Variants in CDH4 observed in about 807,000 individuals in gnomAD.
The protein encoded by CDH4 is cadherin 4, also known as cadherin-4.
A neutral mutation model predicts 86.0 loss-of-function variants in CDH4; 33 were observed. That is an observed-to-expected ratio of 0.38 (90% CI 0.29 to 0.51). The LOEUF (loss-of-function observed/expected upper bound fraction) is 0.51. Among genes scored for constraint, CDH4 ranks in the 20% least tolerant of loss-of-function variants. The pLI, the probability that CDH4 is intolerant of heterozygous loss-of-function variation, is 0.86. For missense variants in CDH4, 1,114 were observed against 1,307.4 expected, an observed-to-expected ratio of 0.85 and a Z score of 2.28; for synonymous variants, 555 against 549.4, an observed-to-expected ratio of 1.01 and a Z score of -0.14.
At position 61,534,665 on chromosome 20, in the gene CDH4, C is replaced by CTTTTTTTTTTTTTTTTT. The variant is rs34309371; in HGVS notation, c.170-208892_170-208876dup. ...CTTTCTTTCTTTTCTTTCTTTCTTT[C>CTTTTTTTTTTTTTTTTT]TTTTTTTTTTTTTTTTTTTTTTGAG... On this transcript the variant is annotated intron_variant, in intron 2 of 15. Transcript: ENST00000614565. 7.5e-4 allele frequency among the ~76,000 whole-genome samples: 57 copies of CTTTTTTTTTTTTTTTTT among 76,024 alleles called. 1 individual carries two copies. Among genetic ancestry groups the CTTTTTTTTTTTTTTTTT allele is most frequent in the African/African-American group, 1.4e-3 (13 of 9,318 alleles). The allele number at this position is 76,024 out of a possible 152,430, so 49.9% of individuals were successfully genotyped here.
At chr20:61,908,296 G>T (rs1250625828) in intron 8 of CDH4, among the ~76,000 whole-genome samples, 1 of 152,178 alleles carries the variant, frequency 6.6e-6, no homozygotes, top group Non-Finnish European at 1.5e-5. Flanking sequence ...TTTCATTTTT[G>T]TGCATTTATA....
intron 2 of CDH4, among the ~76,000 whole-genome samples, chr20:61,565,271 C>CTGGTG: frequency 1.8e-5 from 1 of 56,546 alleles, no homozygotes; most frequent in South Asian, 6.8e-4. Context: ...TGGTGGTGGT[C>CTGGTG]CTCTTGGTGA....
chr20:61,451,340 C>T (rs987506848), intron 2 of CDH4, among the ~76,000 whole-genome samples: 4 of 152,184 alleles, frequency 2.6e-5, no homozygotes, highest in Non-Finnish European at 4.4e-5. Context: ...GTTCAGAGTG[C>T]TTGGCCTCAC....
intron 2 of CDH4, among the ~76,000 whole-genome samples, chr20:61,725,887 C>T (rs1034875346): frequency 6.6e-6 from 1 of 152,204 alleles, no homozygotes; most frequent in African/African-American, 2.4e-5. Flanking sequence ...GTGCAAGGCA[C>T]TAATGAGGGA....
chr20:61,484,772 G>T (rs1052036363), intron 2 of CDH4, among the ~76,000 whole-genome samples: 1 of 152,156 alleles, frequency 6.6e-6, no homozygotes, highest in Non-Finnish European at 1.5e-5. Context: ...CAGGGGGTGC[G>T]CCCAGCAGCC....
Position 61,338,549 on chromosome 20 carries a change from C to T in CDH4, c.169+83612C>T, listed in dbSNP as rs904055507. Among the ~76,000 whole-genome samples the T allele has an allele frequency of 4.6e-5, 7 of 151,024 alleles. No individual in the cohort carries two copies. In the South Asian group the frequency reaches 1.5e-3, roughly 32 times the overall value. ...GCTGCTTCTCCTGCCTAGATATTTG[C>T]TCCCTCCCCAATCTGCCTGGTCCTC... On this transcript the variant is annotated intron_variant, in intron 2 of 15. Coordinates refer to ENST00000614565, the MANE Select transcript of CDH4 (RefSeq NM_001794.5).
chr20:61,593,762 G>A (rs558591936), intron 2 of CDH4, among the ~76,000 whole-genome samples: 2 of 151,992 alleles, frequency 1.3e-5, no homozygotes, highest in South Asian at 2.1e-4. Context: ...GAATGTTATT[G>A]TAAAGATTCT....
At chr20:61,441,051 G>A (rs73318353) in intron 2 of CDH4, among the ~76,000 whole-genome samples, 2,572 of 152,254 alleles carry the variant, frequency 0.017, 80 homozygotes, top group African/African-American at 0.058. Flanking sequence ...CAGTCTTGGG[G>A]TGAAAAAGAC....
intron 2 of CDH4, among the ~76,000 whole-genome samples, chr20:61,499,906 G>A (rs1041555620): frequency 2.0e-5 from 3 of 152,226 alleles, no homozygotes; most frequent in Non-Finnish European, 4.4e-5. Flanking sequence ...TTCTGTCTGT[G>A]GCAGGGGTGG....
chr20:61,383,423 G>GA (rs1477628678), intron 2 of CDH4, among the ~76,000 whole-genome samples: 1 of 63,564 alleles, frequency 1.6e-5, no homozygotes, highest in African/African-American at 6.3e-5. Context: ...TGATATATAT[G>GA]ATATATATCA....
chr20:61,599,707 C>T (rs2086583170), intron 2 of CDH4: 9 of 648,666 alleles, frequency 1.4e-5, no homozygotes, highest in Non-Finnish European at 1.5e-5. Flanking sequence ...CGTCTGGGCT[C>T]CTTCATCTGC....
chr20:61,391,008 G>A (rs2084982292), intron 2 of CDH4, among the ~76,000 whole-genome samples: 1 of 152,210 alleles, frequency 6.6e-6, no homozygotes, highest in Admixed American at 6.5e-5. Flanking sequence ...AATACAAGCT[G>A]GGGAAGAGGA....
At chr20:61,308,620 CG>C (rs1689093513) in intron 2 of CDH4, among the ~76,000 whole-genome samples, 2 of 152,286 alleles carry the variant, frequency 1.3e-5, no homozygotes, top group Middle Eastern at 3.4e-3. Flanking sequence ...TGAGGAGCAC[CG>C]GGGCTTACTG....
At chr20:61,872,108 A>C (rs1010155092) in intron 6 of CDH4, among the ~76,000 whole-genome samples, 2 of 152,212 alleles carry the variant, frequency 1.3e-5, no homozygotes, top group Non-Finnish European at 2.9e-5. Flanking sequence ...GGCTCCTCGC[A>C]GACCCTGCCT....
In CDH4 at chr20:61,417,492, G is replaced by A. The variant is rs753472153; in HGVS notation, c.169+162555G>A. Among the ~76,000 whole-genome samples the A allele has an allele frequency of 4.6e-5, 7 of 152,286 alleles. No homozygotes were observed. The South Asian group carries it at 1.0e-3, about 23-fold the overall frequency. ...CACGTGAGCCAGCACCGTTGGGTCC[G>A]GAGTTGGGAGTTGGGAATCGGGCCA... On this transcript the variant is annotated intron_variant, in intron 2 of 15. Transcript: ENST00000614565. The surrounding 1 kb of genome is among the most constrained non-coding windows in gnomAD (Gnocchi z 4.0).
chr20:61,721,749 G>C (rs903808353), intron 2 of CDH4, among the ~76,000 whole-genome samples: 26 of 152,192 alleles, frequency 1.7e-4, no homozygotes, highest in African/African-American at 5.3e-4. Flanking sequence ...AGGACCTCGT[G>C]AAGTATCAAT....
intron 7 of CDH4, among the ~76,000 whole-genome samples, chr20:61,892,018 A>G (rs1197796900): frequency 2.0e-5 from 3 of 152,268 alleles, no homozygotes; most frequent in Non-Finnish European, 4.4e-5. Flanking sequence ...TGGGGCATAC[A>G]GTCTCTGTGC....
chr20:61,279,135 G>A (rs373700491), intron 2 of CDH4, among the ~76,000 whole-genome samples: 50 of 152,346 alleles, frequency 3.3e-4, no homozygotes, highest in African/African-American at 1.2e-3. Flanking sequence ...CCCCATTAAA[G>A]TCTCCGTCAC....
At chr20:61,892,482 C>T (rs1215956136) in intron 7 of CDH4, among the ~76,000 whole-genome samples, 1 of 152,120 alleles carries the variant, frequency 6.6e-6, no homozygotes, top group Admixed American at 6.5e-5. Context: ...AGGAATGAGT[C>T]ATGGATGAAG....
Sources: allele counts gnomAD v4.1 joint callset (sites outside exome capture counted in the v4.1 genomes callset), GRCh38; gene constraint gnomAD v4.1.1; non-coding constraint Gnocchi (gnomAD v3.1); transcripts MANE v1.5; gene names NCBI Gene and HGNC (gene_info 2026-07-23, HGNC 2026-07-21).